Variants in BBS9 observed in about 807,000 individuals in gnomAD.
BBS9 encodes protein PTHB1.
Under a neutral mutation model 117.7 loss-of-function variants are expected in BBS9, and 89 were observed. That is an observed-to-expected ratio of 0.76 (90% CI 0.64 to 0.90). BBS9 has a LOEUF of 0.90. BBS9 is among the 40% of genes least tolerant of loss of function. BBS9 has a pLI of 0.00. For missense variants in BBS9, 982 were observed against 1,042.2 expected, an observed-to-expected ratio of 0.94 and a Z score of 0.80; for synonymous variants, 379 against 370.9, an observed-to-expected ratio of 1.02 and a Z score of -0.25.
intron 21 of BBS9, among the ~76,000 whole-genome samples, chr7:33,578,145 A>G (rs905047159): frequency 1.3e-5 from 2 of 152,186 alleles, no homozygotes; most frequent in African/African-American, 4.8e-5. Context: ...ATAATTTTAT[A>G]CTATTATCAT....
At chr7:33,498,749 A>G (rs1252297211) in intron 19 of BBS9, among the ~76,000 whole-genome samples, 1 of 152,096 alleles carries the variant, frequency 6.6e-6, no homozygotes, top group Non-Finnish European at 1.5e-5. Flanking sequence ...CAATTTGTTT[A>G]TCCATGTGTC....
At chr7:33,533,603 G>A (rs1850917204) in intron 20 of BBS9, 2 of 280,166 alleles carry the variant, frequency 7.1e-6, no homozygotes, top group Non-Finnish European at 1.4e-5. Context: ...TTACCCACCA[G>A]ATCATTAAAC....
chr7:33,440,066 C>T (rs911394673), intron 19 of BBS9, among the ~76,000 whole-genome samples: 4 of 152,120 alleles, frequency 2.6e-5, no homozygotes, highest in East Asian at 1.9e-4. Flanking sequence ...AAGGCTTAGA[C>T]GTTAGGGCTG....
intron 9 of BBS9, among the ~76,000 whole-genome samples, chr7:33,282,619 G>A (rs545681183): frequency 2.0e-5 from 3 of 151,980 alleles, no homozygotes; most frequent in East Asian, 3.9e-4. Context: ...TGAGTCACCC[G>A]CCTCGCCTCC....
intron 1 of BBS9, among the ~76,000 whole-genome samples, chr7:33,134,659 A>T (rs1443284691): frequency 6.6e-6 from 1 of 152,004 alleles, no homozygotes; most frequent in African/African-American, 2.4e-5. Flanking sequence ...TGGTGGCATG[A>T]TTTTAGCTCA....
intron 19 of BBS9, among the ~76,000 whole-genome samples, chr7:33,433,081 C>T (rs17170234): frequency 0.011 from 1,740 of 152,208 alleles, 34 homozygotes; most frequent in African/African-American, 0.039. Flanking sequence ...GTACCACATG[C>T]TAGGAGGCAC....
intron 12 of BBS9, 60 bp downstream of exon 12, chr7:33,344,694 G>A: frequency 1.3e-6 from 2 of 1,511,768 alleles, no homozygotes; most frequent in Admixed American, 3.3e-5. Context: ...CATTACATCT[G>A]TCACTGTTGA....
chr7:33,604,370 G>A (rs1024585685), intron 21 of BBS9, among the ~76,000 whole-genome samples: 2 of 152,166 alleles, frequency 1.3e-5, no homozygotes, highest in African/African-American at 2.4e-5. Flanking sequence ...GCTGTAAGGT[G>A]TTGGGATTCA....
At chr7:33,516,487 C>CAAAAAAAAA (rs61006845) in intron 20 of BBS9, among the ~76,000 whole-genome samples, 1 of 51,520 alleles carries the variant, frequency 1.9e-5, no homozygotes, top group Non-Finnish European at 3.5e-5. Context: ...ATTTCATCTC[C>CAAAAAAAAA]AAAAAAAAAA....
intron 9 of BBS9, among the ~76,000 whole-genome samples, chr7:33,292,326 C>A (rs971356578): frequency 6.6e-6 from 1 of 152,002 alleles, no homozygotes; most frequent in African/African-American, 2.4e-5. Flanking sequence ...CTCCCAGGCT[C>A]AAGTGATCCT....
intron 21 of BBS9, among the ~76,000 whole-genome samples, chr7:33,549,689 A>C (rs1363183178): frequency 6.6e-6 from 1 of 151,966 alleles, no homozygotes; most frequent in Non-Finnish European, 1.5e-5. Flanking sequence ...GCTCATCATC[A>C]CTGGCCATCA....
At chr7:33,365,115 G>A (rs1172315125) in intron 16 of BBS9, among the ~76,000 whole-genome samples, 1 of 148,500 alleles carries the variant, frequency 6.7e-6, no homozygotes, top group Admixed American at 6.7e-5. Context: ...TTCCTGGTTT[G>A]TTGAGCTTCC....
At chr7:33,184,932 G>A (rs1798612464) in intron 5 of BBS9, among the ~76,000 whole-genome samples, 1 of 152,168 alleles carries the variant, frequency 6.6e-6, no homozygotes, top group South Asian at 2.1e-4. Context: ...AACAAGGGAT[G>A]GATTATTTAT....
chr7:33,357,635 A>G (rs1819846620), intron 15 of BBS9: 3 of 618,906 alleles, frequency 4.8e-6, no homozygotes, highest in Non-Finnish European at 8.7e-6. Flanking sequence ...TCTCATGTCT[A>G]TGCTTCTTTT....
intron 9 of BBS9, among the ~76,000 whole-genome samples, chr7:33,282,141 G>A (rs1443810894): frequency 2.6e-5 from 4 of 152,022 alleles, no homozygotes; most frequent in African/African-American, 9.7e-5. Flanking sequence ...ATAGCTTTTA[G>A]AGAAAATAAT....
chr7:33,605,273 C>T lies in BBS9; in HGVS notation c.*47C>T, dbSNP rs373181375. 9.6e-5 allele frequency: 151 copies of T among 1,576,776 alleles called. No homozygotes were observed. In the African/African-American group the frequency reaches 1.4e-3, roughly 15 times the overall value. ...GAGAGGAACATCCCCATCTCAAGGC[C>T]GAACCTGTGTGAACCTCATGCCAAG... On this transcript the variant is annotated 3_prime_UTR_variant, in exon 23 of 23. Coordinates refer to ENST00000242067, the MANE Select transcript of BBS9 (RefSeq NM_198428.3).
intron 21 of BBS9, among the ~76,000 whole-genome samples, chr7:33,545,174 A>G (rs997312833): frequency 9.2e-5 from 14 of 152,168 alleles, no homozygotes; most frequent in Non-Finnish European, 1.9e-4. Context: ...TAGAGTCTGC[A>G]TGCCCGATTT....
rs977476002 is a variant in BBS9, at chr7:33,577,856, A to G, written c.2522-27009A>G. ...TCACAGGTGAGAATTGAACAATGAGAACACTTGCACACAGGGCGGGGAACA... is the reference window on the plus strand; with the variant it reads ...TCACAGGTGAGAATTGAACAATGAGGACACTTGCACACAGGGCGGGGAACA... On this transcript the variant is annotated intron_variant, in intron 21 of 22. Transcript: ENST00000242067. Among the ~76,000 whole-genome samples the G allele has an allele frequency of 8.7e-4, 133 of 152,300 alleles. 1 individual carries two copies. Among genetic ancestry groups the G allele is most frequent in the African/African-American group, 3.1e-3 (130 of 41,568 alleles).
intron 9 of BBS9, among the ~76,000 whole-genome samples, chr7:33,297,120 A>G (rs996594059): frequency 6.6e-6 from 1 of 152,172 alleles, no homozygotes; most frequent in African/African-American, 2.4e-5. Flanking sequence ...AAGCCGGAGT[A>G]AAAGAACATG....
Sources: gnomAD v4.1 joint callset for allele counts (sites outside exome capture counted in the v4.1 genomes callset) on GRCh38, gnomAD v4.1.1 for gene constraint, MANE v1.5 for transcripts, NCBI Gene and HGNC (gene_info 2026-07-23, HGNC 2026-07-21) for gene names.